The following NWD2 variants were observed in gnomAD, a reference collection of about 807,000 sequenced individuals.
NWD2 encodes NACHT and WD repeat domain-containing protein 2.
A neutral mutation model predicts 132.7 loss-of-function variants in NWD2; 37 were observed. The ratio of observed to expected loss-of-function variants is 0.28; its 90% CI spans 0.21 to 0.37. The LOEUF is 0.37. NWD2 is among the 10% of genes least tolerant of loss of function. The probability of loss-of-function intolerance (pLI) is 1.00; values close to 1 mark genes in which losing one functional copy is unlikely to be tolerated. For synonymous variants in NWD2, 705 were observed against 803.0 expected (o/e 0.88, Z 2.06); for missense variants, 1,592 against 2,122.4 (o/e 0.75, Z 4.91).
At position 37,300,503 on chromosome 4, in the gene NWD2, T is replaced by C. The variant is rs984834674; in HGVS notation, c.152-25433T>C. ...GAATTACAGATGAATTATGCTACTT[T>C]GAAGGGGCTTTTTTCTTCCCAAAAT... On this transcript the variant is annotated intron_variant, in intron 1 of 6. Coordinates refer to ENST00000309447, the MANE Select transcript of NWD2 (RefSeq NM_001144990.2). Among the ~76,000 whole-genome samples, 4 of 152,126 alleles carry C rather than the reference T, an allele frequency of 2.6e-5. No individual in the cohort carries two copies. The East Asian group carries it at 5.8e-4, about 22-fold the overall frequency.
At chr4:37,421,826 G>A (rs1029797275) in intron 3 of NWD2, among the ~76,000 whole-genome samples, 2 of 152,130 alleles carry the variant, frequency 1.3e-5, no homozygotes, top group African/African-American at 4.8e-5. Flanking sequence ...ATACTGTAGA[G>A]GTGTAGATTA....
rs61220261 is a variant in NWD2, at chr4:37,425,754, G to C, written c.358-4818G>C. ...CAAAAAGCAAGCTTTTTGAGAATTGGGGTCAGAAGGATGTGGAAAATCTGT... is the reference window on the plus strand; with the variant it reads ...CAAAAAGCAAGCTTTTTGAGAATTGCGGTCAGAAGGATGTGGAAAATCTGT... On this transcript the variant is annotated intron_variant, in intron 3 of 6. Transcript: ENST00000309447. Among the ~76,000 whole-genome samples, 782 of 152,232 alleles carry C rather than the reference G, an allele frequency of 5.1e-3. 2 individuals are homozygous for C. The highest frequency in any genetic ancestry group is 0.014 in the Middle Eastern group (4 of 294).
At chr4:37,383,938 T>C (rs1457592534) in intron 3 of NWD2, among the ~76,000 whole-genome samples, 1 of 152,182 alleles carries the variant, frequency 6.6e-6, no homozygotes, top group Non-Finnish European at 1.5e-5. Flanking sequence ...ACTTTTCTTA[T>C]TCACCCCTTT....
chr4:37,408,218 G>A (rs1721083113), intron 3 of NWD2, among the ~76,000 whole-genome samples: 1 of 149,372 alleles, frequency 6.7e-6, no homozygotes, highest in South Asian at 2.1e-4. Flanking sequence ...AAGCCAGGGA[G>A]CCAAGTGGTC....
At position 37,444,283 on chromosome 4, in the gene NWD2, G is replaced by A. The variant is rs986854939; in HGVS notation, c.2295G>A (p.Gly765=). 1 of 1,551,662 alleles carries A rather than the reference G, an allele frequency of 6.4e-7. No homozygotes were observed. The highest frequency in any genetic ancestry group is 2.0e-5 in the Admixed American group (1 of 51,002). The change falls in exon 7 of 7, where the codon GGG becomes GGA. Residue 765 remains glycine, a synonymous_variant. Coordinates refer to ENST00000309447, the MANE Select transcript of NWD2 (RefSeq NM_001144990.2). This position sits in a 1 kb window ranked among gnomAD's most constrained non-coding sequence, Gnocchi z 4.8. ...MHTILADYFL[G]VWSGGRRKAF... ...CCATCTTAGCAGATTATTTTCTGGG[G>A]GTTTGGTCAGGGGGCAGGAGGAAAG...
At position 37,446,519 on chromosome 4, in the gene NWD2, G is replaced by A; in HGVS notation, c.4531G>A (p.Glu1511Lys). Residue 1511 changes from glutamate (E) to lysine (K), a missense_variant, in exon 7 of 7, where the codon GAA becomes AAA. Transcript: ENST00000309447. This position sits in a 1 kb window ranked among gnomAD's most constrained non-coding sequence, Gnocchi z 6.7. Reference sequence around the variant, plus strand: ...TGTGAACATCTGGAGTCTGACAGATGAAGTGATCTGTCGGCGCGTGCAACT... The same window carrying A: ...TGTGAACATCTGGAGTCTGACAGATAAAGTGATCTGTCGGCGCGTGCAACT... ...ETVNIWSLTD[E>K]VICRRVQLPN... 6.4e-7 allele frequency: 1 copy of A among 1,551,634 alleles called. No homozygotes were observed. The highest frequency in any genetic ancestry group is 8.7e-7 in the Non-Finnish European group (1 of 1,146,926).
At chr4:37,418,168 G>A (rs932253187) in intron 3 of NWD2, among the ~76,000 whole-genome samples, 3 of 151,912 alleles carry the variant, frequency 2.0e-5, no homozygotes, top group African/African-American at 7.3e-5. Context: ...ATGGAAGGGT[G>A]GTAAGTCAAA....
chr4:37,303,058 G>A (rs1577661060), intron 1 of NWD2, among the ~76,000 whole-genome samples: 1 of 152,012 alleles, frequency 6.6e-6, no homozygotes, highest in Non-Finnish European at 1.5e-5. Context: ...TTTCCCTTTT[G>A]TTTTCTTCTA....
At position 37,434,778 on chromosome 4, in the gene NWD2, T is replaced by C. The variant is rs545881437; in HGVS notation, c.706+758T>C. Among the ~76,000 whole-genome samples, 1,087 of 109,918 alleles carry C rather than the reference T, an allele frequency of 9.9e-3. 10 individuals carry two copies. Among genetic ancestry groups the C allele is most frequent in the South Asian group, 0.077 (253 of 3,296 alleles). 72.1% of individuals were successfully genotyped at this position (109,918 alleles called of 152,430 possible). Reference sequence around the variant, plus strand: ...GGAAAAATAAAAGATAGCTTTACTTTTTTTTTTTCTTTTTTTTTTTTAACT... The same window carrying C: ...GGAAAAATAAAAGATAGCTTTACTTCTTTTTTTTCTTTTTTTTTTTTAACT... On this transcript the variant is annotated intron_variant, in intron 5 of 6. Transcript: ENST00000309447.
intron 3 of NWD2, among the ~76,000 whole-genome samples, chr4:37,410,078 C>G (rs1721123704): frequency 6.6e-6 from 1 of 152,192 alleles, no homozygotes; most frequent in Non-Finnish European, 1.5e-5. Context: ...AACATCAACA[C>G]TGTGAAGAAA....
chr4:37,402,381 G>A (rs561803220), intron 3 of NWD2, among the ~76,000 whole-genome samples: 19 of 152,228 alleles, frequency 1.2e-4, no homozygotes, highest in Admixed American at 3.9e-4. Flanking sequence ...CAGGAATAGC[G>A]TCTTTTTCCT....
Position 37,264,483 on chromosome 4 carries a change from T to C in NWD2, c.151+19265T>C, listed in dbSNP as rs182475725. ...GCCAGTAAACTCGGTGTTCTGGAGA[T>C]TTTTTGCCCAAGGAGGTTGAATATA... On this transcript the variant is annotated intron_variant, in intron 1 of 6. Coordinates refer to ENST00000309447, the MANE Select transcript of NWD2 (RefSeq NM_001144990.2). Among the ~76,000 whole-genome samples, 644 of 152,256 alleles carry C rather than the reference T, an allele frequency of 4.2e-3. 5 individuals carry two copies. Among genetic ancestry groups the C allele is most frequent in the Non-Finnish European group, 7.0e-3 (479 of 68,004 alleles).
intron 2 of NWD2, among the ~76,000 whole-genome samples, chr4:37,329,440 G>C (rs1719244879): frequency 2.0e-5 from 3 of 152,178 alleles, no homozygotes; most frequent in African/African-American, 7.2e-5. Flanking sequence ...GGCAATATTT[G>C]AGCAGAGATC....
chr4:37,275,495 T>C (rs1211056747), intron 1 of NWD2, among the ~76,000 whole-genome samples: 1 of 152,064 alleles, frequency 6.6e-6, no homozygotes, highest in South Asian at 2.1e-4. Context: ...AAAATGGCCA[T>C]ACTGCCCAAG....
intron 2 of NWD2, among the ~76,000 whole-genome samples, chr4:37,333,027 T>G (rs1719326742): frequency 6.6e-6 from 1 of 151,070 alleles, no homozygotes; most frequent in Admixed American, 6.6e-5. Flanking sequence ...GAGGGAAGAG[T>G]GGGAAGGACT....
At chr4:37,321,639 A>C (rs1560394327) in intron 1 of NWD2, among the ~76,000 whole-genome samples, 1 of 152,182 alleles carries the variant, frequency 6.6e-6, no homozygotes, top group Non-Finnish European at 1.5e-5. Flanking sequence ...CCTGTCCATG[A>C]CATTCTAATT....
At chr4:37,357,845 C>G (rs1479412089) in intron 3 of NWD2, among the ~76,000 whole-genome samples, 1 of 152,010 alleles carries the variant, frequency 6.6e-6, no homozygotes, top group African/African-American at 2.4e-5. Flanking sequence ...CAGAGGAGGC[C>G]TCACTGATAA....
chr4:37,340,727 A>T (rs965263654), intron 2 of NWD2, among the ~76,000 whole-genome samples: 4 of 152,236 alleles, frequency 2.6e-5, no homozygotes, highest in Non-Finnish European at 4.4e-5. Flanking sequence ...ATACTTTCAC[A>T]GGCAAATCTG....
chr4:37,251,343 CG>C (rs1208343064), intron 1 of NWD2, among the ~76,000 whole-genome samples: 1 of 152,184 alleles, frequency 6.6e-6, no homozygotes, highest in East Asian at 1.9e-4. Flanking sequence ...CTGTTATATA[CG>C]TGGTTTATTC....
Sources: gnomAD v4.1 joint callset for allele counts (sites outside exome capture counted in the v4.1 genomes callset) on GRCh38, gnomAD v4.1.1 for gene constraint, Gnocchi (gnomAD v3.1) non-coding constraint, MANE v1.5 for transcripts, NCBI Gene and HGNC (gene_info 2026-07-23, HGNC 2026-07-21) for gene names.